KCNMA1: variants seen among roughly 807,000 people sequenced by gnomAD.
The protein encoded by KCNMA1 is potassium calcium-activated channel subfamily M alpha 1.
In KCNMA1, 29 loss-of-function variants were observed where a neutral mutation model predicts 140.0. The ratio of observed to expected loss-of-function variants is 0.21; its 90% confidence interval spans 0.15 to 0.28. The LOEUF is 0.28. KCNMA1 is among the 10% of genes least tolerant of loss of function. The probability of loss-of-function intolerance (pLI) is 1.00; values close to 1 mark genes in which losing one functional copy is unlikely to be tolerated. For synonymous variants in KCNMA1, 612 were observed against 611.9 expected, an observed-to-expected ratio of 1.00 and a Z score of 0.00; for missense variants, 880 against 1,602.2, an observed-to-expected ratio of 0.55 and a Z score of 7.70.
intron 5 of KCNMA1, among the ~76,000 whole-genome samples, chr10:77,141,242 T>C (rs1166889170): frequency 6.6e-6 from 1 of 152,186 alleles, no homozygotes; most frequent in African/African-American, 2.4e-5. Context: ...CCCATTGTTT[T>C]CAGCATCTTC....
chr10:77,312,998 A>C (rs2079755499), intron 2 of KCNMA1, among the ~76,000 whole-genome samples: 1 of 152,182 alleles, frequency 6.6e-6, no homozygotes, highest in African/African-American at 2.4e-5. Context: ...CCATCCTCAG[A>C]AATCCAGAAG....
chr10:77,115,945 T>A (rs1301305710), intron 6 of KCNMA1, among the ~76,000 whole-genome samples: 1 of 152,194 alleles, frequency 6.6e-6, no homozygotes. Flanking sequence ...AATGTGAACC[T>A]TGCCAGGTTA....
intron 13 of KCNMA1, among the ~76,000 whole-genome samples, chr10:77,073,912 T>C (rs1319815992): frequency 1.3e-5 from 2 of 152,212 alleles, no homozygotes; most frequent in African/African-American, 4.8e-5. Context: ...GGACTGGTCC[T>C]ATTCAACCCT....
At chr10:77,320,652 G>A (rs924654419) in intron 2 of KCNMA1, among the ~76,000 whole-genome samples, 7 of 152,098 alleles carry the variant, frequency 4.6e-5, no homozygotes, top group African/African-American at 9.7e-5. Flanking sequence ...CTTCTTCCTC[G>A]TTGTTACCTG....
At chr10:76,974,851 G>A (rs778436594) in intron 19 of KCNMA1, among the ~76,000 whole-genome samples, 8 of 152,022 alleles carry the variant, frequency 5.3e-5, no homozygotes, top group South Asian at 2.1e-4. Context: ...TGAGTTCCCC[G>A]TCACCCCACA....
At chr10:76,924,527 A>C (rs2152559729) in intron 23 of KCNMA1, among the ~76,000 whole-genome samples, 1 of 152,300 alleles carries the variant, frequency 6.6e-6, no homozygotes, top group East Asian at 1.9e-4. Flanking sequence ...GATGTTAAAG[A>C]CCCTGAAATC....
At chr10:77,511,330 G>A (rs2048322428) in intron 1 of KCNMA1, among the ~76,000 whole-genome samples, 1 of 152,206 alleles carries the variant, frequency 6.6e-6, no homozygotes, top group African/African-American at 2.4e-5. Context: ...CAGGAAATCT[G>A]TCTACTTTCT....
At chr10:77,378,317 A>C (rs1176921361) in intron 2 of KCNMA1, among the ~76,000 whole-genome samples, 1 of 152,192 alleles carries the variant, frequency 6.6e-6, no homozygotes, top group Non-Finnish European at 1.5e-5. Flanking sequence ...CTTCCGTCGC[A>C]AAAGTGTCTG....
intron 2 of KCNMA1, among the ~76,000 whole-genome samples, chr10:77,320,521 C>A (rs1452317721): frequency 6.6e-6 from 1 of 152,054 alleles, no homozygotes; most frequent in Admixed American, 6.5e-5. Context: ...CTGGGTCAAA[C>A]CCTTCTTGCC....
intron 2 of KCNMA1, chr10:77,354,404 T>C (rs2093271974): frequency 6.6e-6 from 1 of 152,240 alleles, no homozygotes; most frequent in African/African-American, 2.4e-5. Context: ...TTCTTCCTCT[T>C]ATCAGTGTGA....
intron 2 of KCNMA1, among the ~76,000 whole-genome samples, chr10:77,400,660 CT>C (rs2096233960): frequency 6.6e-6 from 1 of 152,208 alleles, no homozygotes; most frequent in Non-Finnish European, 1.5e-5. Context: ...CTTGCTATAT[CT>C]TGATTTTCTC....
rs1422338612 is a variant in KCNMA1, at chr10:77,587,314, G to A, written c.378+49951C>T. On this transcript the variant is annotated intron_variant, in intron 1 of 27. Coordinates refer to ENST00000286628, the MANE Select transcript of KCNMA1 (RefSeq NM_001161352.2). ...CCTTTTCTCAGGCCACTGAATATAG[G>A]CTTATGTAAACAGGCAGTATAACTC... is the stretch of plus-strand genomic sequence containing the variant. 2.6e-5 allele frequency among the ~76,000 whole-genome samples: 4 copies of A among 152,026 alleles called. No individual in the cohort carries two copies. The East Asian group carries it at 5.8e-4, about 22-fold the overall frequency.
intron 13 of KCNMA1, among the ~76,000 whole-genome samples, chr10:77,076,121 G>A (rs955000584): frequency 6.6e-6 from 1 of 152,118 alleles, no homozygotes; most frequent in Non-Finnish European, 1.5e-5. Flanking sequence ...AACAAAGAAG[G>A]CCATGAAAGA....
chr10:77,080,783 T>A (rs1256439139), intron 12 of KCNMA1, among the ~76,000 whole-genome samples: 1 of 152,034 alleles, frequency 6.6e-6, no homozygotes, highest in Non-Finnish European at 1.5e-5. Flanking sequence ...CCAGAAACAA[T>A]CTGCTGAGTC....
Position 77,637,796 on chromosome 10 carries a change from C to A in KCNMA1, c.-154G>T. The stretch of plus-strand genomic sequence containing the variant: ...AGGGGGGCGGGGAGGCGCCTGGGCT[C>A]GGGGCGCTGTGCGCGACCTGGCGGG... On this transcript the variant is annotated 5_prime_UTR_variant, in exon 1 of 28. Coordinates refer to ENST00000286628, the MANE Select transcript of KCNMA1 (RefSeq NM_001161352.2). 1 of 1,248,820 alleles carries A rather than the reference C, an allele frequency of 8.0e-7. No homozygotes were observed. Among genetic ancestry groups the A allele is most frequent in the African/African-American group, 1.6e-5 (1 of 63,216 alleles). 77.4% of individuals were successfully genotyped at this position (1,248,820 alleles called of 1,614,324 possible).
rs149652164 is a variant in KCNMA1 at position 76,987,902 on chromosome 10, C to A, written c.2266+13505G>T. Reference sequence around the variant, plus strand: ...GGTCTCTCTCTTTAAAATGGGATAACATGACAAAGTCTGTGCTTTAGAATA... The same window carrying A: ...GGTCTCTCTCTTTAAAATGGGATAAAATGACAAAGTCTGTGCTTTAGAATA... On this transcript the variant is annotated intron_variant, in intron 19 of 27. Transcript: ENST00000286628. 1.5e-4 allele frequency among the ~76,000 whole-genome samples: 23 copies of A among 152,266 alleles called. No individual in the cohort carries two copies. In the East Asian group the frequency reaches 4.3e-3, roughly 28 times the overall value.
chr10:77,420,716 C>G (rs143999166), intron 1 of KCNMA1, among the ~76,000 whole-genome samples: 1 of 152,092 alleles, frequency 6.6e-6, no homozygotes, highest in Non-Finnish European at 1.5e-5. Flanking sequence ...GAGCACAGAC[C>G]CAGTAACCAG....
Position 77,629,388 on chromosome 10 carries a change from G to A in KCNMA1, c.378+7877C>T, listed in dbSNP as rs143405315. Among the ~76,000 whole-genome samples, 1,020 of 152,216 alleles carry A rather than the reference G, an allele frequency of 6.7e-3. 14 individuals are homozygous for A. The highest frequency in any genetic ancestry group is 0.024 in the African/African-American group (979 of 41,524). On this transcript the variant is annotated intron_variant, in intron 1 of 27. Coordinates refer to ENST00000286628, the MANE Select transcript of KCNMA1 (RefSeq NM_001161352.2). ...GGTGGCATGAATAATTAAAATCCAC[G>A]AATGATTCAAGCACCATGTTGTCAA...
intron 2 of KCNMA1, among the ~76,000 whole-genome samples, chr10:77,394,871 G>T (rs2095983709): frequency 6.6e-6 from 1 of 152,124 alleles, no homozygotes; most frequent in African/African-American, 2.4e-5. Flanking sequence ...AGGCTGGTGG[G>T]TGTTTTGGAC....
Sources: allele counts gnomAD v4.1 joint callset (sites outside exome capture counted in the v4.1 genomes callset), GRCh38; gene constraint gnomAD v4.1.1; transcripts MANE v1.5; gene names NCBI Gene and HGNC (gene_info 2026-07-23, HGNC 2026-07-21).